Variants in DCAF17 observed in about 807,000 individuals in gnomAD.
The protein encoded by DCAF17 is DDB1 and CUL4 associated factor 17, also known as DDB1- and CUL4-associated factor 17.
A neutral mutation model predicts 66.0 loss-of-function variants in DCAF17; 48 were observed. The ratio of observed to expected loss-of-function variants is 0.73; its 90% CI spans 0.58 to 0.92. The LOEUF (loss-of-function observed/expected upper bound fraction) is 0.92. DCAF17 is among the 40% of genes least tolerant of loss of function. The pLI is 0.00. For missense variants in DCAF17, 562 were observed against 622.8 expected, an observed-to-expected ratio of 0.90 and a Z score of 1.04; for synonymous variants, 206 against 214.6, an observed-to-expected ratio of 0.96 and a Z score of 0.35.
rs202068099 is a variant in DCAF17, at chr2:171,480,049, T to C, written c.1278T>C (p.Ile426=). Residue 426 remains isoleucine, a synonymous_variant, in exon 13 of 14, where the codon ATT becomes ATC. Coordinates refer to ENST00000375255, the MANE Select transcript of DCAF17 (RefSeq NM_025000.4). ...DDDPEQETFK[I]VDYEDELDLL... is the part of the protein sequence containing the mutation. ...TATCTATCCCAAAGACTTTCAAAAT[T>C]GTGGACTATGAAGATGAGTTAGATT... 3.1e-6 allele frequency: 5 copies of C among 1,613,548 alleles called. No individual in the cohort carries two copies. Among genetic ancestry groups the C allele is most frequent in the Non-Finnish European group, 4.2e-6 (5 of 1,179,662 alleles).
chr2:171,436,118 G>A (rs1224406838), intron 2 of DCAF17, among the ~76,000 whole-genome samples: 2 of 152,084 alleles, frequency 1.3e-5, no homozygotes, highest in Admixed American at 6.5e-5. Flanking sequence ...TTCACTTTGC[G>A]TGTTTTCAAG....
chr2:171,460,541 T>C (rs1695522722), intron 8 of DCAF17, among the ~76,000 whole-genome samples: 1 of 148,348 alleles, frequency 6.7e-6, no homozygotes, highest in Non-Finnish European at 1.5e-5. Flanking sequence ...ATTATTATTA[T>C]TAATTTTGAG....
intron 3 of DCAF17, among the ~76,000 whole-genome samples, chr2:171,448,120 G>A (rs568524207): frequency 6.6e-6 from 1 of 152,282 alleles, no homozygotes; most frequent in East Asian, 1.9e-4. Flanking sequence ...CAATATGAAT[G>A]TCTATTCTAG....
chr2:171,439,310 A>T (rs111619436), intron 2 of DCAF17, among the ~76,000 whole-genome samples: 1 of 150,800 alleles, frequency 6.6e-6, no homozygotes, highest in Non-Finnish European at 1.5e-5. Context: ...ACCTTCTCCA[A>T]TTTTCCTGTA....
intron 8 of DCAF17, among the ~76,000 whole-genome samples, chr2:171,461,665 A>G (rs987831458): frequency 1.3e-5 from 2 of 152,184 alleles, no homozygotes; most frequent in East Asian, 1.9e-4. Flanking sequence ...CTATTGAGGT[A>G]TAATTTACAT....
At chr2:171,449,853 T>C in intron 4 of DCAF17, 26 bp from the exon 5 acceptor site, 1 of 1,593,420 alleles carries the variant, frequency 6.3e-7, no homozygotes, top group Non-Finnish European at 8.6e-7. Flanking sequence ...CCCAAATAAA[T>C]AAACTTCTCT....
intron 3 of DCAF17, among the ~76,000 whole-genome samples, chr2:171,444,683 C>CACTTAGGAAATACTAAGTGTATTTCT (rs1694514037): frequency 6.6e-6 from 1 of 152,136 alleles, no homozygotes; most frequent in African/African-American, 2.4e-5. Flanking sequence ...CTAAGAAATG[C>CACTTAGGAAATACTAAGTGTATTTCT]ACTTAGGAAA....
Position 171,434,350 on chromosome 2 carries a change from A to G in DCAF17, c.-228A>G, listed in dbSNP as rs1431357864. 1 of 758,278 alleles carries G rather than the reference A, an allele frequency of 1.3e-6. No homozygotes were observed. Among genetic ancestry groups the G allele is most frequent in the African/African-American group, 1.7e-5 (1 of 57,656 alleles). 47.0% of individuals were successfully genotyped at this position (758,278 alleles called of 1,614,324 possible). A position where few individuals can be genotyped will look rare whatever the true frequency, so the allele number is the denominator to read the frequency against. On this transcript the variant is annotated 5_prime_UTR_variant, in exon 1 of 14. Transcript: ENST00000375255. ...GCCAGAGAGCCTGGGGCAGATCGAAAAGGGAGTGCTTCTTCCCTTCTCTCC... is the reference window on the plus strand; with the variant it reads ...GCCAGAGAGCCTGGGGCAGATCGAAGAGGGAGTGCTTCTTCCCTTCTCTCC...
chr2:171,457,884 T>C (rs1233672641), intron 6 of DCAF17, 87 bp from the exon 7 acceptor site: 1 of 1,030,150 alleles, frequency 9.7e-7, no homozygotes, highest in African/African-American at 1.6e-5. Context: ...GACATGAATA[T>C]TAAGCAAGAG....
At position 171,445,594 on chromosome 2, in the gene DCAF17, CAAG is replaced by C. The variant is rs1694571449; in HGVS notation, c.321+1984_321+1986del. Reference sequence around the variant, plus strand: ...TCTGTGTGAATTACAGCTTTTTGTTCAAGAAAATATTTCGAACGTATTATATTT... The same window carrying C: ...TCTGTGTGAATTACAGCTTTTTGTTCAAAATATTTCGAACGTATTATATTT... On this transcript the variant is annotated intron_variant, in intron 3 of 13. Coordinates refer to ENST00000375255, the MANE Select transcript of DCAF17 (RefSeq NM_025000.4). Among the ~76,000 whole-genome samples, 3 of 152,220 alleles carry C rather than the reference CAAG, an allele frequency of 2.0e-5. No individual in the cohort carries two copies. In the South Asian group the frequency reaches 6.2e-4, roughly 32 times the overall value.
Position 171,483,462 on chromosome 2 carries a change from GAGC to G in DCAF17, c.*2350_*2352del, listed in dbSNP as rs1277578778. ...CTGGATCTAAGTTTCTGCATTCTCA[GAGC>G]ATCAATGCAGCAAGCTTATTGTTCC... On this transcript the variant is annotated 3_prime_UTR_variant, in exon 14 of 14. Coordinates refer to ENST00000375255, the MANE Select transcript of DCAF17 (RefSeq NM_025000.4). 7 of 453,984 alleles carry G rather than the reference GAGC, an allele frequency of 1.5e-5. No homozygotes were observed. The highest frequency in any genetic ancestry group is 3.1e-5 in the Non-Finnish European group (7 of 226,802). The allele number at this position is 453,984 out of a possible 1,614,324, so 28.1% of individuals were successfully genotyped here. A position where few individuals can be genotyped will look rare whatever the true frequency, so the allele number is the denominator to read the frequency against.
intron 6 of DCAF17, among the ~76,000 whole-genome samples, chr2:171,454,948 T>A (rs1393824122): frequency 6.6e-6 from 1 of 152,042 alleles, no homozygotes; most frequent in Admixed American, 6.6e-5. Flanking sequence ...TTTCTTTTTT[T>A]AAAGCTTTTC....
chr2:171,469,245 G>A (rs1205521342), intron 9 of DCAF17, among the ~76,000 whole-genome samples: 2 of 152,144 alleles, frequency 1.3e-5, no homozygotes, highest in African/African-American at 4.8e-5. Flanking sequence ...AATTCTTATA[G>A]CAACAAGAAT....
chr2:171,478,295 C>T (rs1696593352), intron 12 of DCAF17, among the ~76,000 whole-genome samples: 2 of 152,026 alleles, frequency 1.3e-5, no homozygotes, highest in South Asian at 4.2e-4. Flanking sequence ...GTTGATAGGA[C>T]CAAAATAATT....
At chr2:171,443,368 G>A (rs563816056) in intron 2 of DCAF17, 155 bp from the exon 3 acceptor site, 6 of 581,438 alleles carry the variant, frequency 1.0e-5, no homozygotes, top group Non-Finnish European at 1.8e-5. Context: ...TATGAATTAT[G>A]TGATCAGAAA....
intron 9 of DCAF17, 50 bp from the exon 10 acceptor site, chr2:171,473,816 C>A: frequency 2.1e-6 from 3 of 1,445,730 alleles, no homozygotes; most frequent in South Asian, 1.2e-5. Context: ...TTTGTAAAAT[C>A]ATTTGATTTT....
chr2:171,437,108 C>G (rs1694019249), intron 2 of DCAF17, among the ~76,000 whole-genome samples: 1 of 152,118 alleles, frequency 6.6e-6, no homozygotes, highest in Non-Finnish European at 1.5e-5. Flanking sequence ...TCCAATTTAT[C>G]TAAATTTTTT....
chr2:171,448,676 T>TG lies in DCAF17; in HGVS notation c.322-5_322-4insG. ...TCATTTTTATATCTCTCTTTTTTTTTTTAGGGAGATATACTTCCCAATTCA... is the reference window on the plus strand; with the variant it reads ...TCATTTTTATATCTCTCTTTTTTTTTGTTAGGGAGATATACTTCCCAATTCA... On this transcript the variant is annotated splice_polypyrimidine_tract_variant and splice_region_variant and intron_variant, in intron 3 of 13. Transcript: ENST00000375255. The TG allele has an allele frequency of 6.4e-7, 1 of 1,560,504 alleles. No individual in the cohort carries two copies. Among genetic ancestry groups the TG allele is most frequent in the Admixed American group, 2.0e-5 (1 of 48,844 alleles).
In DCAF17 at chr2:171,484,971, A is replaced by G; in HGVS notation, c.*3857A>G. The G allele has an allele frequency of 4.4e-6, 2 of 453,696 alleles. No individual in the cohort carries two copies. The highest frequency in any genetic ancestry group is 8.8e-6 in the Non-Finnish European group (2 of 226,656). 28.1% of individuals were successfully genotyped at this position (453,696 alleles called of 1,614,324 possible). A position where few individuals can be genotyped will look rare whatever the true frequency, so the allele number is the denominator to read the frequency against. On this transcript the variant is annotated 3_prime_UTR_variant, in exon 14 of 14. Coordinates refer to ENST00000375255, the MANE Select transcript of DCAF17 (RefSeq NM_025000.4). ...TGAATATATCACAGTTTGTTTTTTT[A>G]TCTTTCTGTTGATGGACACTGGGCT... is the stretch of plus-strand genomic sequence containing the variant.
Sources: gnomAD v4.1 joint callset for allele counts (sites outside exome capture counted in the v4.1 genomes callset) on GRCh38, gnomAD v4.1.1 for gene constraint, MANE v1.5 for transcripts, NCBI Gene and HGNC (gene_info 2026-07-23, HGNC 2026-07-21) for gene names.